Variants in TSC22D1 observed in about 807,000 individuals in gnomAD.
The protein encoded by TSC22D1 is TSC22 domain family protein 1.
In TSC22D1, 9 loss-of-function variants were observed where a neutral mutation model predicts 74.2. The ratio of observed to expected loss-of-function variants is 0.12; its 90% CI spans 0.07 to 0.21. The LOEUF is 0.21. TSC22D1 is among the 10% of genes least tolerant of loss of function. The pLI is 1.00. For synonymous variants in TSC22D1, 586 were observed against 492.5 expected (o/e 1.19, Z -2.51); for missense variants, 1,427 against 1,304.7 (o/e 1.09, Z -1.44).
At chr13:44,517,116 C>A (rs1880028830) in intron 1 of TSC22D1, among the ~76,000 whole-genome samples, 1 of 151,944 alleles carries the variant, frequency 6.6e-6, no homozygotes, top group African/African-American at 2.4e-5. Flanking sequence ...ACATGTATAC[C>A]TGTATATAAA....
chr13:44,439,626 A>G (rs899174973), intron 1 of TSC22D1, among the ~76,000 whole-genome samples: 6 of 152,264 alleles, frequency 3.9e-5, no homozygotes, highest in African/African-American at 1.4e-4. Context: ...CATGGACCAT[A>G]TAAGTCTATT....
At chr13:44,435,689 T>C (rs193203247) in intron 2 of TSC22D1, 3 of 311,274 alleles carry the variant, frequency 9.6e-6, no homozygotes, top group South Asian at 3.1e-5. Context: ...TAGTAAAATA[T>C]TAGGATTCCT....
chr13:44,447,146 CTTTTTT>C (rs59178966), intron 1 of TSC22D1, among the ~76,000 whole-genome samples: 1 of 143,108 alleles, frequency 7.0e-6, no homozygotes, highest in Non-Finnish European at 1.5e-5. Flanking sequence ...GATACCTATA[CTTTTTT>C]TTTTTTTTTA....
chr13:44,573,797 G>A lies in TSC22D1; in HGVS notation c.2278C>T (p.Pro760Ser), dbSNP rs1883961428. 2 of 1,614,140 alleles carry A rather than the reference G, an allele frequency of 1.2e-6. No homozygotes were observed. Among genetic ancestry groups the A allele is most frequent in the Non-Finnish European group, 8.5e-7 (1 of 1,180,048 alleles). ...PPSVIQQGAPPSSQVVPPAQT... is the reference protein window; with the variant it reads ...PPSVIQQGAPSSSQVVPPAQT... ...GCAGGTGGAACCACTTGCGAAGATG[G>A]AGGAGCACCCTGCTGAATAACTGAA... The change falls in exon 1 of 3, where the codon CCA becomes TCA. Residue 760 changes from proline to serine, a missense_variant. Physicochemically the swap from Pro to Ser is moderately conservative, Grantham distance 74. Around this residue, in one of 3 missense-constraint regions of TSC22D1, gnomAD observed 1,343 missense variants for 1,191.5 expected, o/e 1.13. Coordinates refer to ENST00000458659, the MANE Select transcript of TSC22D1 (RefSeq NM_183422.4).
At chr13:44,445,839 TC>T (rs1455417271) in intron 1 of TSC22D1, among the ~76,000 whole-genome samples, 1 of 152,088 alleles carries the variant, frequency 6.6e-6, no homozygotes, top group Non-Finnish European at 1.5e-5. Context: ...TACACACCTA[TC>T]AGAATAGCTA....
chr13:44,542,033 A>G (rs1039004898), intron 1 of TSC22D1, among the ~76,000 whole-genome samples: 6 of 152,132 alleles, frequency 3.9e-5, no homozygotes, highest in African/African-American at 1.4e-4. Flanking sequence ...AAATTATCTA[A>G]GATTTCTAAA....
At chr13:44,509,042 C>T (rs1008575060) in intron 1 of TSC22D1, among the ~76,000 whole-genome samples, 1 of 152,018 alleles carries the variant, frequency 6.6e-6, no homozygotes, top group Non-Finnish European at 1.5e-5. Flanking sequence ...GTTAATAAGC[C>T]ATACTCATTG....
Position 44,576,225 on chromosome 13 carries a change from C to G in TSC22D1, c.-151G>C. 1 of 1,177,520 alleles carries G rather than the reference C, an allele frequency of 8.5e-7. No individual in the cohort carries two copies. The highest frequency in any genetic ancestry group is 1.2e-6 in the Non-Finnish European group (1 of 869,456). The allele number at this position is 1,177,520 out of a possible 1,614,324, so 72.9% of individuals were successfully genotyped here. On this transcript the variant is annotated 5_prime_UTR_variant, in exon 1 of 3. Transcript: ENST00000458659. ...CTCCTCCTCAGCCAAAGGCGCCGGT[C>G]GCTCCTGCCTTCGAGAGCGAGCTTC...
intron 1 of TSC22D1, among the ~76,000 whole-genome samples, chr13:44,516,993 T>C (rs1413999317): frequency 6.6e-6 from 1 of 152,118 alleles, no homozygotes; most frequent in East Asian, 1.9e-4. Context: ...AGGGCAACAA[T>C]CCTAAAAAAG....
intron 1 of TSC22D1, among the ~76,000 whole-genome samples, chr13:44,494,740 C>T (rs561934208): frequency 2.6e-5 from 4 of 151,950 alleles, no homozygotes; most frequent in Non-Finnish European, 5.9e-5. Flanking sequence ...GAAAATATGA[C>T]CCATCATGGA....
At chr13:44,561,870 TG>T (rs1204803422) in intron 1 of TSC22D1, among the ~76,000 whole-genome samples, 1 of 152,208 alleles carries the variant, frequency 6.6e-6, no homozygotes, top group Non-Finnish European at 1.5e-5. Context: ...AGGAATCTTT[TG>T]TCATTTTTCT....
At position 44,573,630 on chromosome 13, in the gene TSC22D1, T is replaced by C. The variant is rs901167932; in HGVS notation, c.2445A>G (p.Ser815=). The change falls in exon 1 of 3, where the codon TCA becomes TCG. Residue 815 remains serine, a synonymous_variant. Coordinates refer to ENST00000458659, the MANE Select transcript of TSC22D1 (RefSeq NM_183422.4). ...GVEPVAQGIV[S]QQLPAVSSLP... ...AAGAACTAACTGCAGGCAACTGCTG[T>C]GAAACAATTCCTTGAGCTACTGGTT... The C allele has an allele frequency of 1.4e-5, 23 of 1,614,106 alleles. No individual in the cohort carries two copies. Among genetic ancestry groups the C allele is most frequent in the Non-Finnish European group, 1.9e-5 (23 of 1,180,038 alleles).
Position 44,573,229 on chromosome 13 carries a change from G to C in TSC22D1, c.2846C>G (p.Ser949Cys). 1 of 1,614,216 alleles carries C rather than the reference G, an allele frequency of 6.2e-7. No homozygotes were observed. The highest frequency in any genetic ancestry group is 1.1e-5 in the South Asian group (1 of 91,084). The change falls in exon 1 of 3, where the codon TCT (serine) becomes TGT (cysteine). Residue 949 changes from serine (S) to cysteine (C), a missense_variant. By Grantham distance (112) the Ser-to-Cys change is moderately radical. Transcript: ENST00000458659. Reference protein sequence around the residue: ...SDGSSSSLAASASLFPLKVLP... With the variant: ...SDGSSSSLAACASLFPLKVLP... Reference sequence around the variant, plus strand: ...CACCTTCAACGGGAAAAGAGAAGCAGAGGCTGCTAGGCTGCTGCTACTCCC... The same window carrying C: ...CACCTTCAACGGGAAAAGAGAAGCACAGGCTGCTAGGCTGCTGCTACTCCC...
At chr13:44,548,860 A>G (rs1354581873) in intron 1 of TSC22D1, among the ~76,000 whole-genome samples, 1 of 152,186 alleles carries the variant, frequency 6.6e-6, no homozygotes, top group African/African-American at 2.4e-5. Context: ...TGCATAACAA[A>G]TATATAAGAT....
At chr13:44,561,861 G>A (rs544803759) in intron 1 of TSC22D1, among the ~76,000 whole-genome samples, 1 of 152,204 alleles carries the variant, frequency 6.6e-6, no homozygotes, top group East Asian at 1.9e-4. Context: ...AGTAATAGAA[G>A]GAATCTTTTG....
intron 1 of TSC22D1, chr13:44,437,158 G>T: frequency 5.1e-6 from 5 of 985,554 alleles, no homozygotes; most frequent in Non-Finnish European, 6.0e-6. Context: ...TACTATGGGG[G>T]CCCCCACACG....
At chr13:44,505,518 C>T (rs1459529876) in intron 1 of TSC22D1, among the ~76,000 whole-genome samples, 2 of 152,116 alleles carry the variant, frequency 1.3e-5, no homozygotes, top group Non-Finnish European at 2.9e-5. Context: ...TGCACCACTG[C>T]ACTCCAGCCT....
chr13:44,516,946 C>A (rs139577319), intron 1 of TSC22D1, among the ~76,000 whole-genome samples: 2 of 152,168 alleles, frequency 1.3e-5, no homozygotes, highest in Non-Finnish European at 2.9e-5. Flanking sequence ...AGTCACCCCG[C>A]CTTCTTCCTG....
chr13:44,514,990 T>C (rs186671150), intron 1 of TSC22D1, among the ~76,000 whole-genome samples: 48 of 152,350 alleles, frequency 3.2e-4, no homozygotes, highest in Admixed American at 2.2e-3. Context: ...CATACTCTAA[T>C]GATAAGGCAG....
Sources: gnomAD v4.1 joint callset for allele counts (sites outside exome capture counted in the v4.1 genomes callset) on GRCh38, gnomAD v4.1.1 for gene constraint, gnomAD v4.1.1 regional missense constraint, MANE v1.5 for transcripts, NCBI Gene and HGNC (gene_info 2026-07-23, HGNC 2026-07-21) for gene names.